SLC9B1: variants seen among roughly 807,000 people sequenced by gnomAD.
The protein encoded by SLC9B1 is solute carrier family 9 member B1.
In SLC9B1, 32 loss-of-function variants were observed where a neutral mutation model predicts 51.7. The ratio of observed to expected loss-of-function variants is 0.62; its 90% CI spans 0.47 to 0.83. The LOEUF is 0.83. Among genes scored for constraint, SLC9B1 ranks in the 40% least tolerant of loss-of-function variants. The pLI, the probability that SLC9B1 is intolerant of heterozygous loss-of-function variation, is 0.00. For missense variants in SLC9B1, 406 were observed against 613.2 expected, an observed-to-expected ratio of 0.66 and a Z score of 3.57; for synonymous variants, 145 against 212.7, an observed-to-expected ratio of 0.68 and a Z score of 2.77.
chr4:102,921,767 TC>T (rs1393198652), intron 7 of SLC9B1, among the ~76,000 whole-genome samples: 1 of 152,128 alleles, frequency 6.6e-6, no homozygotes, highest in Non-Finnish European at 1.5e-5. Flanking sequence ...AATCCTAGTC[TC>T]TGATAAAACA....
intron 11 of SLC9B1, among the ~76,000 whole-genome samples, chr4:102,893,310 A>G (rs1239485124): frequency 1.1e-4 from 17 of 150,422 alleles, no homozygotes; most frequent in Non-Finnish European, 1.6e-4. Flanking sequence ...AAAAAAGAAA[A>G]AGAAAAAAGA....
At chr4:102,989,118 T>A (rs1008572739) in intron 3 of SLC9B1, among the ~76,000 whole-genome samples, 1 of 151,986 alleles carries the variant, frequency 6.6e-6, no homozygotes, top group Non-Finnish European at 1.5e-5. Context: ...AAAAAATCAA[T>A]GAATAAAATT....
chr4:102,886,785 T>C (rs1333641021), intron 11 of SLC9B1, among the ~76,000 whole-genome samples: 1 of 152,032 alleles, frequency 6.6e-6, no homozygotes, highest in Non-Finnish European at 1.5e-5. Context: ...AGCTAACTTT[T>C]GTATTTTTAG....
At chr4:102,885,444 T>C (rs1733857355) in intron 11 of SLC9B1, 1 of 1,606,000 alleles carries the variant, frequency 6.2e-7, no homozygotes, top group African/African-American at 1.3e-5. Flanking sequence ...AGATGTCTGT[T>C]TACGTGTACA....
intron 7 of SLC9B1, among the ~76,000 whole-genome samples, chr4:102,928,028 A>G (rs1195254825): frequency 1.3e-5 from 2 of 151,518 alleles, no homozygotes; most frequent in Non-Finnish European, 2.9e-5. Flanking sequence ...TTGAACAATG[A>G]GATCACTTGG....
Position 102,889,609 on chromosome 4 carries a change from T to C in SLC9B1, c.1333-4281A>G, listed in dbSNP as rs540879345. The C allele has an allele frequency of 1.0e-3, 157 of 150,760 alleles. 2 individuals carry two copies. The highest frequency in any genetic ancestry group is 3.8e-3 in the African/African-American group (156 of 41,048). The allele number at this position is 150,760 out of a possible 1,614,324, so 9.3% of individuals were successfully genotyped here. ...TAATTTTAATACCCCAAAAGTAAGA[T>C]GGTTGTACTCTCAGAATAAAGACTT... On this transcript the variant is annotated intron_variant, in intron 11 of 11. Transcript: ENST00000394789.
chr4:102,918,083 A>G (rs1735673907), intron 7 of SLC9B1, among the ~76,000 whole-genome samples: 1 of 124,184 alleles, frequency 8.1e-6, no homozygotes. Flanking sequence ...AAAAAAAAAA[A>G]AAAAAGGCTA....
intron 11 of SLC9B1, chr4:102,887,787 A>G (rs941133355): frequency 1.8e-4 from 30 of 168,798 alleles, no homozygotes; most frequent in South Asian, 1.4e-4. Flanking sequence ...TTATTTTTTC[A>G]TATCTCTTTT....
At chr4:103,016,135 A>AAAAAAAAAAAAAG (rs1491539049) in intron 1 of SLC9B1, among the ~76,000 whole-genome samples, 1 of 95,566 alleles carries the variant, frequency 1.0e-5, no homozygotes, top group African/African-American at 4.6e-5. Context: ...ACTCTGTCTC[A>AAAAAAAAAAAAAG]AAAAAAAAAA....
chr4:102,956,918 T>C (rs1737841771), intron 3 of SLC9B1, among the ~76,000 whole-genome samples: 1 of 152,142 alleles, frequency 6.6e-6, no homozygotes. Flanking sequence ...GTATATATTA[T>C]AAATATGTTC....
At position 102,933,273 on chromosome 4, in the gene SLC9B1, T is replaced by C. The variant is rs1351359490; in HGVS notation, c.654-974A>G. On this transcript the variant is annotated intron_variant, in intron 6 of 11. Transcript: ENST00000296422. Reference sequence around the variant, plus strand: ...CTCTACTTTCCCTCCAGACAGCATCTGCCAATGACTGACTGATGTGAGTGT... The same window carrying C: ...CTCTACTTTCCCTCCAGACAGCATCCGCCAATGACTGACTGATGTGAGTGT... Among the ~76,000 whole-genome samples, 3 of 152,220 alleles carry C rather than the reference T, an allele frequency of 2.0e-5. No individual in the cohort carries two copies. The East Asian group carries it at 5.8e-4, about 29-fold the overall frequency.
chr4:102,899,321 T>G (rs1162914868), downstream of SLC9B1, among the ~76,000 whole-genome samples: 2 of 150,708 alleles, frequency 1.3e-5, no homozygotes, highest in Non-Finnish European at 3.0e-5. Context: ...TGAAAATTAT[T>G]TATCTCTCTT....
chr4:102,929,359 T>G, intron 7 of SLC9B1, among the ~76,000 whole-genome samples: 1 of 152,172 alleles, frequency 6.6e-6, no homozygotes, highest in Admixed American at 6.5e-5. Flanking sequence ...TCTCTGACCT[T>G]GAGTAAATTA....
At chr4:102,909,369 G>A (rs113708263) in intron 9 of SLC9B1, among the ~76,000 whole-genome samples, 1,644 of 152,084 alleles carry the variant, frequency 0.011, 21 homozygotes, top group African/African-American at 0.037. Flanking sequence ...TTGGGAGGCC[G>A]AGGCAGGAGT....
chr4:102,909,122 A>C (rs1217767334), intron 9 of SLC9B1, among the ~76,000 whole-genome samples: 1 of 152,172 alleles, frequency 6.6e-6, no homozygotes, highest in Non-Finnish European at 1.5e-5. Context: ...GTAAATAACC[A>C]AAATCTTTTG....
intron 1 of SLC9B1, among the ~76,000 whole-genome samples, chr4:103,005,105 G>A (rs1740712690): frequency 1.3e-5 from 2 of 152,202 alleles, no homozygotes; most frequent in South Asian, 4.2e-4. Context: ...AACTTTGAAT[G>A]TAAATGAGCC....
chr4:102,895,219 A>G (rs959063926), intron 11 of SLC9B1, among the ~76,000 whole-genome samples: 3 of 152,198 alleles, frequency 2.0e-5, no homozygotes, highest in African/African-American at 7.2e-5. Context: ...CATGTAGATG[A>G]AAAATTAATA....
At position 102,942,832 on chromosome 4, in the gene SLC9B1, T is replaced by G. The variant is rs892606661; in HGVS notation, c.653+2361A>C. 1.4e-4 allele frequency among the ~76,000 whole-genome samples: 22 copies of G among 152,042 alleles called. 1 individual carries two copies. Among genetic ancestry groups the G allele is most frequent in the African/African-American group, 5.1e-4 (21 of 41,424 alleles). ...AAAAACAAAGATAAATAGATGGGAC[T>G]TAATTAAACTAAGAAGCTTCTACAC... On this transcript the variant is annotated intron_variant, in intron 6 of 11. Coordinates refer to ENST00000296422, the MANE Select transcript of SLC9B1 (RefSeq NM_139173.4).
Position 103,010,474 on chromosome 4 carries a change from C to G in SLC9B1, c.-2+9125G>C, listed in dbSNP as rs564875030. 2.0e-5 allele frequency among the ~76,000 whole-genome samples: 3 copies of G among 152,328 alleles called. No individual in the cohort carries two copies. In the East Asian group the frequency reaches 5.8e-4, roughly 29 times the overall value. On this transcript the variant is annotated intron_variant, in intron 1 of 11. Coordinates refer to ENST00000296422, the MANE Select transcript of SLC9B1 (RefSeq NM_139173.4). ...CAACATGAGTTTTGGAGGGGACAAA[C>G]ATTCAAACCATAGTAGTGTCTTAGT... is the stretch of plus-strand genomic sequence containing the variant.
Sources: gnomAD v4.1 joint callset for allele counts (sites outside exome capture counted in the v4.1 genomes callset) on GRCh38, gnomAD v4.1.1 for gene constraint, MANE v1.5 for transcripts, NCBI Gene and HGNC (gene_info 2026-07-23, HGNC 2026-07-21) for gene names.